ITGAE: variants seen among roughly 807,000 people sequenced by gnomAD.
ITGAE encodes integrin alpha-E.
In ITGAE, 99 loss-of-function variants were observed where a neutral mutation model predicts 136.5. The ratio of observed to expected loss-of-function variants is 0.73; its 90% CI spans 0.62 to 0.86. ITGAE has a LOEUF of 0.86. ITGAE is among the 40% of genes least tolerant of loss of function. The pLI, the probability that ITGAE is intolerant of heterozygous loss-of-function variation, is 0.00. For missense variants in ITGAE, 1,447 were observed against 1,515.3 expected (o/e 0.95, Z 0.75); for synonymous variants, 613 against 591.8 (o/e 1.04, Z -0.52).
chr17:3,761,781 GT>G, intron 4 of ITGAE, 133 bp downstream of exon 4: 1 of 801,134 alleles, frequency 1.2e-6, no homozygotes, highest in East Asian at 2.7e-5. Context: ...CAGCCCTGGG[GT>G]TGGCACCAGG....
intron 26 of ITGAE, chr17:3,725,222 A>AGAAC: frequency 6.2e-7 from 1 of 1,614,170 alleles, no homozygotes; most frequent in Non-Finnish European, 8.5e-7. Flanking sequence ...TGAACAGAAC[A>AGAAC]AGTGGTGCTC....
chr17:3,769,584 C>T (rs554942229), intron 2 of ITGAE, among the ~76,000 whole-genome samples: 2 of 152,376 alleles, frequency 1.3e-5, no homozygotes, highest in African/African-American at 4.8e-5. Context: ...GACTGGCCAT[C>T]AGCTCGCAGC....
At chr17:3,725,197 C>A in intron 26 of ITGAE, 1 of 1,614,204 alleles carries the variant, frequency 6.2e-7, no homozygotes, top group Non-Finnish European at 8.5e-7. Flanking sequence ...TCAGAATGTT[C>A]AAACCGGCCT....
chr17:3,719,938 C>A (rs935261451), intron 29 of ITGAE, among the ~76,000 whole-genome samples: 5 of 152,106 alleles, frequency 3.3e-5, no homozygotes, highest in African/African-American at 9.7e-5. Context: ...GTTGGCCAGG[C>A]TTGTGTTGAA....
At chr17:3,766,472 T>C (rs2052300027) in intron 2 of ITGAE, among the ~76,000 whole-genome samples, 3 of 152,146 alleles carry the variant, frequency 2.0e-5, no homozygotes, top group Admixed American at 2.0e-4. Flanking sequence ...GCCCTGCTGA[T>C]AGCTTTTCAG....
At position 3,715,770 on chromosome 17, in the gene ITGAE, G is replaced by T. The variant is rs964655050; in HGVS notation, c.3445-828C>A. On this transcript the variant is annotated intron_variant, in intron 30 of 30. Coordinates refer to ENST00000263087, the MANE Select transcript of ITGAE (RefSeq NM_002208.5). ...CCAGTTACTCAGGAGACTAAGATGG[G>T]AGGATCACCTGAGCCTAGGAGTACG... Among the ~76,000 whole-genome samples, 11 of 152,192 alleles carry T rather than the reference G, an allele frequency of 7.2e-5. No individual in the cohort carries two copies. The South Asian group carries it at 1.9e-3, about 26-fold the overall frequency.
intron 22 of ITGAE, among the ~76,000 whole-genome samples, chr17:3,731,490 C>T (rs1191322935): frequency 2.6e-5 from 4 of 151,654 alleles, no homozygotes; most frequent in African/African-American, 4.8e-5. Flanking sequence ...TACAGGCACG[C>T]ACCACCACGC....
chr17:3,739,358 A>G (rs1476075646), intron 20 of ITGAE, among the ~76,000 whole-genome samples: 2 of 152,180 alleles, frequency 1.3e-5, no homozygotes, highest in Non-Finnish European at 2.9e-5. Flanking sequence ...TGTGTTGTTC[A>G]CAGAAGTATC....
Position 3,785,548 on chromosome 17 carries a change from A to ACGG in ITGAE, c.35-7889_35-7888insCCG, listed in dbSNP as rs1414133356. ...GAAGGAAGGAAGGAAGGAAGGAAGGAAGGAAGGAAAACTAGAAAAATCTGA... is the reference window on the plus strand; with the variant it reads ...GAAGGAAGGAAGGAAGGAAGGAAGGACGGAGGAAGGAAAACTAGAAAAATCTGA... On this transcript the variant is annotated intron_variant, in intron 1 of 30. Coordinates refer to ENST00000263087, the MANE Select transcript of ITGAE (RefSeq NM_002208.5). Among the ~76,000 whole-genome samples, 713 of 150,024 alleles carry ACGG rather than the reference A, an allele frequency of 4.8e-3. 8 individuals carry two copies. The highest frequency in any genetic ancestry group is 0.024 in the East Asian group (121 of 5,132).
rs1025250930 is a variant in ITGAE, at chr17:3,758,178, G to A, written c.867-319C>T. 3.3e-5 allele frequency among the ~76,000 whole-genome samples: 5 copies of A among 152,200 alleles called. No homozygotes were observed. The East Asian group carries it at 9.6e-4, about 29-fold the overall frequency. On this transcript the variant is annotated intron_variant, in intron 8 of 30. Transcript: ENST00000263087. ...TCACATGGCACTTATCATGTGCCAG[G>A]CACTGTTGTAAACACTGTATATTTT...
At chr17:3,792,490 T>C (rs1215820736) in intron 1 of ITGAE, among the ~76,000 whole-genome samples, 1 of 152,050 alleles carries the variant, frequency 6.6e-6, no homozygotes, top group Non-Finnish European at 1.5e-5. Context: ...TTCATAAAAA[T>C]ACATAATACA....
chr17:3,786,348 C>T (rs1166166771), intron 1 of ITGAE, among the ~76,000 whole-genome samples: 3 of 152,000 alleles, frequency 2.0e-5, no homozygotes, highest in East Asian at 1.9e-4. Flanking sequence ...GAGATCTCTA[C>T]GCCCAGATAG....
At chr17:3,726,920 G>T (rs1233836258) in intron 26 of ITGAE, among the ~76,000 whole-genome samples, 1 of 151,712 alleles carries the variant, frequency 6.6e-6, no homozygotes, top group African/African-American at 2.4e-5. Flanking sequence ...GTAGAGATGG[G>T]GGTTTCACCA....
rs201059463 is a variant in ITGAE at position 3,747,910 on chromosome 17, C to T, written c.2155+12G>A. On this transcript the variant is annotated intron_variant, in intron 17 of 30. Transcript: ENST00000263087. ...TCACACCAGGCAGGGGTCAGCTGGACCATTTTTTTACCTGACTCAGAGGCT... is the reference window on the plus strand; with the variant it reads ...TCACACCAGGCAGGGGTCAGCTGGATCATTTTTTTACCTGACTCAGAGGCT... The T allele has an allele frequency of 5.1e-4, 789 of 1,548,232 alleles. 11 individuals carry two copies. In the South Asian group the frequency reaches 8.3e-3, roughly 16 times the overall value.
intron 29 of ITGAE, among the ~76,000 whole-genome samples, chr17:3,719,201 A>G (rs1248054663): frequency 7.0e-6 from 1 of 141,938 alleles, no homozygotes; most frequent in African/African-American, 2.8e-5. Context: ...GCACCAACGG[A>G]CTCCAGCCTG....
chr17:3,785,133 C>G (rs578234831), intron 1 of ITGAE, among the ~76,000 whole-genome samples: 7 of 150,544 alleles, frequency 4.6e-5, no homozygotes, highest in Non-Finnish European at 7.4e-5. Flanking sequence ...GCCTGGGTGA[C>G]AGAACAAGAC....
chr17:3,745,280 C>G (rs906383998), intron 18 of ITGAE, among the ~76,000 whole-genome samples: 9 of 152,076 alleles, frequency 5.9e-5, no homozygotes, highest in African/African-American at 2.2e-4. Context: ...GAGTTATTAC[C>G]AAGAAAAACG....
chr17:3,791,229 C>G (rs571123857), intron 1 of ITGAE, among the ~76,000 whole-genome samples: 14 of 151,160 alleles, frequency 9.3e-5, no homozygotes, highest in African/African-American at 3.4e-4. Flanking sequence ...TTAGATGATA[C>G]CAAAGAATTA....
At chr17:3,766,053 G>T (rs1487286767) in intron 2 of ITGAE, among the ~76,000 whole-genome samples, 2 of 152,170 alleles carry the variant, frequency 1.3e-5, no homozygotes, top group East Asian at 1.9e-4. Context: ...GAGATGGGGG[G>T]GTTATCCTGG....
Sources: gnomAD v4.1 joint callset for allele counts (sites outside exome capture counted in the v4.1 genomes callset) on GRCh38, gnomAD v4.1.1 for gene constraint, MANE v1.5 for transcripts, NCBI Gene and HGNC (gene_info 2026-07-23, HGNC 2026-07-21) for gene names.